The following ADCY5 variants were observed in gnomAD, a reference collection of about 807,000 sequenced individuals.
ADCY5 encodes adenylate cyclase 5.
In ADCY5, 30 loss-of-function variants were observed where a neutral mutation model predicts 119.7. The ratio of observed to expected loss-of-function variants is 0.25; its 90% CI spans 0.19 to 0.34. ADCY5 has a LOEUF of 0.34. Among genes scored for constraint, ADCY5 ranks in the 10% least tolerant of loss-of-function variants. The pLI, the probability that ADCY5 is intolerant of heterozygous loss-of-function variation, is 1.00. For missense variants in ADCY5, 1,324 were observed against 1,775.2 expected, an observed-to-expected ratio of 0.75 and a Z score of 4.57; for synonymous variants, 753 against 762.2, an observed-to-expected ratio of 0.99 and a Z score of 0.20.
chr3:123,303,280 CCCAGCCCA>C, intron 13 of ADCY5, 61 bp from the exon 14 acceptor site: 1 of 1,548,040 alleles, frequency 6.5e-7, no homozygotes, highest in Non-Finnish European at 8.8e-7. Context: ...GGTAGAGCAG[CCCAGCCCA>C]CCAGGCCGCA....
intron 12 of ADCY5, among the ~76,000 whole-genome samples, chr3:123,306,287 C>A (rs560437024): frequency 2.0e-5 from 3 of 152,332 alleles, no homozygotes; most frequent in African/African-American, 7.2e-5. Flanking sequence ...GGTGAAAGGA[C>A]AGTCTTTTCA....
chr3:123,304,322 C>A, intron 12 of ADCY5, 139 bp from the exon 13 acceptor site: 1 of 647,714 alleles, frequency 1.5e-6, no homozygotes, highest in East Asian at 2.8e-5. Context: ...TCCTGGTGGC[C>A]CTTCCAGCCT....
chr3:123,442,255 T>A (rs553394426), intron 1 of ADCY5, among the ~76,000 whole-genome samples: 51 of 151,868 alleles, frequency 3.4e-4, no homozygotes, highest in Non-Finnish European at 3.8e-4. Context: ...TAAAGTTAAC[T>A]GAAGTAGCAA....
chr3:123,357,021 G>C (rs962030237), intron 1 of ADCY5, among the ~76,000 whole-genome samples: 4 of 152,156 alleles, frequency 2.6e-5, no homozygotes, highest in Admixed American at 6.5e-5. Flanking sequence ...ATTCCATTTA[G>C]ATGTGGGCAA....
At chr3:123,371,182 G>A (rs777658487) in intron 1 of ADCY5, among the ~76,000 whole-genome samples, 11 of 152,202 alleles carry the variant, frequency 7.2e-5, no homozygotes, top group Non-Finnish European at 1.0e-4. Flanking sequence ...GTGGGATCTG[G>A]TTAGGACCTG....
chr3:123,348,525 C>T (rs956199465), intron 2 of ADCY5, among the ~76,000 whole-genome samples: 13 of 152,090 alleles, frequency 8.5e-5, no homozygotes, highest in Admixed American at 1.3e-4. Context: ...TAGTCAGAGA[C>T]GGCTTCCTGG....
intron 1 of ADCY5, among the ~76,000 whole-genome samples, chr3:123,415,202 A>G (rs1240444002): frequency 6.6e-6 from 1 of 152,064 alleles, no homozygotes; most frequent in East Asian, 1.9e-4. Context: ...GGAGGGAGAG[A>G]AATGCATTTG....
intron 1 of ADCY5, among the ~76,000 whole-genome samples, chr3:123,417,349 C>T (rs904880608): frequency 1.3e-5 from 2 of 152,236 alleles, no homozygotes; most frequent in Non-Finnish European, 2.9e-5. Context: ...TCTTCCTGGG[C>T]TCCCTAATGG....
intron 16 of ADCY5, 32 bp from the exon 17 acceptor site, chr3:123,296,248 G>C: frequency 6.2e-7 from 1 of 1,602,634 alleles, no homozygotes; most frequent in Non-Finnish European, 8.5e-7. Flanking sequence ...GCCTGAGACG[G>C]CCGTGGCTCC....
At chr3:123,343,716 G>A (rs893556997) in intron 3 of ADCY5, among the ~76,000 whole-genome samples, 1 of 152,156 alleles carries the variant, frequency 6.6e-6, no homozygotes, top group Non-Finnish European at 1.5e-5. Flanking sequence ...GGTGTGGGGA[G>A]GGCACAGCTC....
chr3:123,447,230 G>A (rs750170252), intron 1 of ADCY5, among the ~76,000 whole-genome samples, 182 bp downstream of exon 1: 1 of 152,228 alleles, frequency 6.6e-6, no homozygotes, highest in Non-Finnish European at 1.5e-5. Flanking sequence ...CACTCTTTTT[G>A]TAAATGAAGC....
At chr3:123,376,854 A>T (rs1943853207) in intron 1 of ADCY5, among the ~76,000 whole-genome samples, 1 of 152,216 alleles carries the variant, frequency 6.6e-6, no homozygotes. Context: ...TTTAGACAAT[A>T]GTTCCTTTCT....
At chr3:123,313,144 G>A (rs1559797462) in intron 12 of ADCY5, among the ~76,000 whole-genome samples, 1 of 152,314 alleles carries the variant, frequency 6.6e-6, no homozygotes, top group Non-Finnish European at 1.5e-5. Context: ...GCCCTCTCTG[G>A]CTGTCCACCT....
chr3:123,408,699 G>A (rs1316339020), intron 1 of ADCY5, among the ~76,000 whole-genome samples: 3 of 149,736 alleles, frequency 2.0e-5, no homozygotes, highest in African/African-American at 4.9e-5. Flanking sequence ...GTACTCGGCC[G>A]GGCATGGTGG....
At position 123,303,117 on chromosome 3, in the gene ADCY5, A is replaced by G; in HGVS notation, c.2662T>C (p.Tyr888His). Residue 888 changes from tyrosine (Y) to histidine (H), a missense_variant, in exon 14 of 21, where the codon TAC becomes CAC. Tyr to His is a moderately conservative substitution (Grantham distance 83, BLOSUM62 2). Transcript: ENST00000462833. ...ACHVAESAVNYSLGDEQGFCG... is the reference protein window; with the variant it reads ...ACHVAESAVNHSLGDEQGFCG... ...AAGCCCTGCTCATCGCCCAGGCTGTAGTTGACGGCCGACTCCGCCACGTGA... is the reference window on the plus strand; with the variant it reads ...AAGCCCTGCTCATCGCCCAGGCTGTGGTTGACGGCCGACTCCGCCACGTGA... 6.2e-7 allele frequency: 1 copy of G among 1,613,870 alleles called. No individual in the cohort carries two copies. The highest frequency in any genetic ancestry group is 2.2e-5 in the East Asian group (1 of 44,870).
rs748891011 is a variant in ADCY5 at position 123,325,291 on chromosome 3, T to C, written c.2088+31A>G. On this transcript the variant is annotated intron_variant, in intron 8 of 20. Transcript: ENST00000462833. Reference sequence around the variant, plus strand: ...CAGAAGGCCCTAGCCTTGGAGAGTGTTGCCCACAGGCTGCCCCACCAGCCA... The same window carrying C: ...CAGAAGGCCCTAGCCTTGGAGAGTGCTGCCCACAGGCTGCCCCACCAGCCA... 2.9e-5 allele frequency: 47 copies of C among 1,612,750 alleles called. No individual in the cohort carries two copies. The South Asian group carries it at 4.9e-4, about 17-fold the overall frequency.
intron 17 of ADCY5, 123 bp from the exon 18 acceptor site, chr3:123,291,499 A>G: frequency 7.9e-7 from 1 of 1,258,162 alleles, no homozygotes; most frequent in Non-Finnish European, 1.1e-6. Context: ...ACTTGTGCCC[A>G]GGATGTTGGC....
intron 3 of ADCY5, among the ~76,000 whole-genome samples, chr3:123,343,226 T>A (rs1205762418): frequency 1.3e-5 from 2 of 152,192 alleles, no homozygotes; most frequent in Non-Finnish European, 2.9e-5. Context: ...ATGCCAGTGA[T>A]GATGTGTACT....
At chr3:123,309,088 ATAGT>A (rs1940395603) in intron 12 of ADCY5, among the ~76,000 whole-genome samples, 1 of 152,238 alleles carries the variant, frequency 6.6e-6, no homozygotes, top group African/African-American at 2.4e-5. Context: ...GAGTGGGAAC[ATAGT>A]TAATAAACCA....
Sources: gnomAD v4.1 joint callset for allele counts (sites outside exome capture counted in the v4.1 genomes callset) on GRCh38, gnomAD v4.1.1 for gene constraint, MANE v1.5 for transcripts, NCBI Gene and HGNC (gene_info 2026-07-23, HGNC 2026-07-21) for gene names.